The following SLAIN1 variants were observed in gnomAD, a reference collection of about 807,000 sequenced individuals.
The protein encoded by SLAIN1 is SLAIN family member 1.
SLAIN1 carries 17 observed loss-of-function variants against 55.4 expected under a neutral mutation model. The ratio of observed to expected loss-of-function variants is 0.31; its 90% CI spans 0.21 to 0.46. The LOEUF (loss-of-function observed/expected upper bound fraction) is 0.46. Among genes scored for constraint, SLAIN1 ranks in the 20% least tolerant of loss-of-function variants. The pLI is 1.00. For synonymous variants in SLAIN1, 348 were observed against 337.4 expected, an observed-to-expected ratio of 1.03 and a Z score of -0.35; for missense variants, 682 against 785.1, an observed-to-expected ratio of 0.87 and a Z score of 1.57.
intron 1 of SLAIN1, among the ~76,000 whole-genome samples, chr13:77,699,494 T>C (rs1009699397): frequency 6.6e-5 from 10 of 152,198 alleles, no homozygotes; most frequent in Admixed American, 2.0e-4. Context: ...GTCCTTTTTA[T>C]GTAGGACCCT....
At chr13:77,722,961 TG>T (rs1392654589) in intron 2 of SLAIN1, among the ~76,000 whole-genome samples, 2 of 152,212 alleles carry the variant, frequency 1.3e-5, no homozygotes, top group African/African-American at 4.8e-5. Context: ...TTGGCCAGGC[TG>T]GTCTTGAATG....
chr13:77,726,568 C>A (rs1196046770), intron 2 of SLAIN1, among the ~76,000 whole-genome samples: 1 of 152,028 alleles, frequency 6.6e-6, no homozygotes, highest in East Asian at 1.9e-4. Flanking sequence ...GCTGGGACTG[C>A]AGATGTATGC....
chr13:77,709,784 T>A (rs2091128361), intron 1 of SLAIN1, among the ~76,000 whole-genome samples: 1 of 152,068 alleles, frequency 6.6e-6, no homozygotes, highest in Non-Finnish European at 1.5e-5. Flanking sequence ...GTTGTTGTTG[T>A]TTTTGAGACA....
rs1874962369 is a variant in SLAIN1 at position 77,760,896 on chromosome 13, C to T, written c.1483C>T (p.Pro495Ser). 1 of 1,614,016 alleles carries T rather than the reference C, an allele frequency of 6.2e-7. No individual in the cohort carries two copies. The highest frequency in any genetic ancestry group is 1.3e-5 in the African/African-American group (1 of 74,920). The change falls in exon 6 of 7, where the codon CCT becomes TCT. Residue 495 changes from proline (P) to serine (S), a missense_variant. Pro to Ser is a moderately conservative substitution (Grantham distance 74). This residue lies in a region of SLAIN1 where 244 missense variants were observed against 295.2 expected (regional missense o/e 0.83). Transcript: ENST00000418532. Reference protein sequence around the residue: ...VGHFPVSIRQPLKATAYVSPT... With the variant: ...VGHFPVSIRQSLKATAYVSPT... ...GCATTTCCCAGTGTCTATCCGACAGCCTCTTAAAGCCACAGCCTATGTGAG... is the reference window on the plus strand; with the variant it reads ...GCATTTCCCAGTGTCTATCCGACAGTCTCTTAAAGCCACAGCCTATGTGAG...
rs902081049 is a variant in SLAIN1 at position 77,698,823 on chromosome 13, G to A, written c.626+284G>A. On this transcript the variant is annotated intron_variant, in intron 1 of 6. Transcript: ENST00000418532. This position sits in a 1 kb window ranked among gnomAD's most constrained non-coding sequence, Gnocchi z 4.1. ...GGTTCTGCTATTTGCTGATTGTTGG[G>A]TCCCAAGCTCCTCGTTAGCATTAAG... 1.0e-4 allele frequency: 148 copies of A among 1,452,764 alleles called. No individual in the cohort carries two copies. Among genetic ancestry groups the A allele is most frequent in the Middle Eastern group, 4.9e-4 (2 of 4,044 alleles). 90.0% of individuals were successfully genotyped at this position (1,452,764 alleles called of 1,614,324 possible). A position where few individuals can be genotyped will look rare whatever the true frequency, so the allele number is the denominator to read the frequency against.
At chr13:77,714,574 C>T (rs2091187326) in intron 1 of SLAIN1, among the ~76,000 whole-genome samples, 2 of 152,164 alleles carry the variant, frequency 1.3e-5, no homozygotes, top group Non-Finnish European at 2.9e-5. Context: ...GTTTGTCCCA[C>T]TGCACTCCAG....
At chr13:77,719,796 A>T in intron 2 of SLAIN1, 125 bp downstream of exon 2, 1 of 1,014,152 alleles carries the variant, frequency 9.9e-7, no homozygotes, top group African/African-American at 1.6e-5. Flanking sequence ...TGTTGCATGC[A>T]ATTTGCTTCA....
rs373484240 is a variant in SLAIN1 at position 77,750,942 on chromosome 13, T to C, written c.1259-2261T>C. Among the ~76,000 whole-genome samples, 10 of 152,300 alleles carry C rather than the reference T, an allele frequency of 6.6e-5. No homozygotes were observed. In the East Asian group the frequency reaches 1.4e-3, roughly 21 times the overall value. On this transcript the variant is annotated intron_variant, in intron 4 of 6. Coordinates refer to ENST00000418532, the MANE Select transcript of SLAIN1 (RefSeq NM_001242868.2). Reference sequence around the variant, plus strand: ...TATACATATTATCTAAGTATACTTATTGTGCTTGTTTAATCTTCTGCCTTT... The same window carrying C: ...TATACATATTATCTAAGTATACTTACTGTGCTTGTTTAATCTTCTGCCTTT...
At position 77,698,448 on chromosome 13, in the gene SLAIN1, C is replaced by G. The variant is rs2090996394; in HGVS notation, c.535C>G (p.Pro179Ala). The G allele has an allele frequency of 7.0e-7, 1 of 1,438,394 alleles. No individual in the cohort carries two copies. Among genetic ancestry groups the G allele is most frequent in the Non-Finnish European group, 9.1e-7 (1 of 1,100,970 alleles). 89.1% of individuals were successfully genotyped at this position (1,438,394 alleles called of 1,614,324 possible). A position where few individuals can be genotyped will look rare whatever the true frequency, so the allele number is the denominator to read the frequency against. Residue 179 changes from proline to alanine, a missense_variant, in exon 1 of 7, where the codon CCG becomes GCG. By Grantham distance (27) the Pro-to-Ala change is conservative. Transcript: ENST00000418532. The surrounding 1 kb of genome is among the most constrained non-coding windows in gnomAD (Gnocchi z 4.1). ...GACGCCGCCAGGGGCAGCTGCAGCG[C>G]CGCCCTCGCCGCCCCCCACGCTGCT... ...AGTPPGAAAAPPSPPPTLLDE... is the reference protein window; with the variant it reads ...AGTPPGAAAAAPSPPPTLLDE...
chr13:77,741,646 A>ATTT (rs11330491), intron 2 of SLAIN1: 6 of 141,490 alleles, frequency 4.2e-5, no homozygotes, highest in South Asian at 2.3e-4. Context: ...AGTAAAAGGA[A>ATTT]TTTTTTTTTT....
chr13:77,721,119 G>C (rs773645626), intron 2 of SLAIN1, among the ~76,000 whole-genome samples: 2 of 152,142 alleles, frequency 1.3e-5, no homozygotes, highest in East Asian at 1.9e-4. Flanking sequence ...GAGGCACCTG[G>C]TGGGAGGTGA....
At chr13:77,739,144 A>G (rs1364269632) in intron 2 of SLAIN1, among the ~76,000 whole-genome samples, 1 of 152,126 alleles carries the variant, frequency 6.6e-6, no homozygotes, top group Non-Finnish European at 1.5e-5. Context: ...TCAGCAACTT[A>G]GTAGTTACTA....
At position 77,746,569 on chromosome 13, in the gene SLAIN1, T is replaced by G; in HGVS notation, c.972T>G (p.Ser324Arg). The G allele has an allele frequency of 6.2e-7, 1 of 1,613,294 alleles. No individual in the cohort carries two copies. Among genetic ancestry groups the G allele is most frequent in the Non-Finnish European group, 8.5e-7 (1 of 1,179,490 alleles). Residue 324 changes from serine to arginine, a missense_variant, in exon 4 of 7, where the codon AGT (serine) becomes AGG (arginine). This residue lies in a region of SLAIN1 where 37 missense variants were observed against 72.6 expected (regional missense o/e 0.51). Coordinates refer to ENST00000418532, the MANE Select transcript of SLAIN1 (RefSeq NM_001242868.2). ...CATCTGTATCAAGACATAGTTCCAG[T>G]GTGTCATTGAGTTCAGGAAAAAAAG... Reference protein sequence around the residue: ...TSASVSRHSSSVSLSSGKKGT... With the variant: ...TSASVSRHSSRVSLSSGKKGT...
chr13:77,716,529 T>C (rs2091209585), intron 1 of SLAIN1, among the ~76,000 whole-genome samples: 1 of 152,194 alleles, frequency 6.6e-6, no homozygotes, highest in Non-Finnish European at 1.5e-5. Flanking sequence ...TCTCCAGTTA[T>C]GTCCTCTTTA....
intron 5 of SLAIN1, among the ~76,000 whole-genome samples, chr13:77,759,541 A>G (rs1051345789): frequency 3.3e-5 from 5 of 152,284 alleles, no homozygotes; most frequent in South Asian, 2.1e-4. Flanking sequence ...GAATGCTTTC[A>G]ACTTTTCCTC....
Position 77,763,235 on chromosome 13 carries a change from C to A in SLAIN1, c.*15C>A, listed in dbSNP as rs1461520049. 1 of 1,605,654 alleles carries A rather than the reference C, an allele frequency of 6.2e-7. No homozygotes were observed. Among genetic ancestry groups the A allele is most frequent in the African/African-American group, 1.3e-5 (1 of 74,836 alleles). On this transcript the variant is annotated 3_prime_UTR_variant, in exon 7 of 7. Transcript: ENST00000418532. The stretch of plus-strand genomic sequence containing the variant: ...GTTGCTACTAATGCAGTTTTATGTA[C>A]CCTTGAAAAATGGGAAAGAAGTAAA...
chr13:77,722,940 G>T (rs1169955155), intron 2 of SLAIN1, among the ~76,000 whole-genome samples: 1 of 152,078 alleles, frequency 6.6e-6, no homozygotes, highest in East Asian at 1.9e-4. Context: ...TAGAGATGTG[G>T]TTTCACCATG....
At chr13:77,706,054 C>G (rs1439644448) in intron 1 of SLAIN1, among the ~76,000 whole-genome samples, 3 of 152,092 alleles carry the variant, frequency 2.0e-5, no homozygotes, top group Non-Finnish European at 2.9e-5. Context: ...AGGCTTATTA[C>G]AGGAAGCAGT....
At chr13:77,729,479 A>G (rs1224374498) in intron 2 of SLAIN1, among the ~76,000 whole-genome samples, 2 of 151,796 alleles carry the variant, frequency 1.3e-5, no homozygotes, top group Non-Finnish European at 2.9e-5. Flanking sequence ...GGTTGATTAA[A>G]TTTGACTCTA....
Sources: allele counts gnomAD v4.1 joint callset (sites outside exome capture counted in the v4.1 genomes callset), GRCh38; gene constraint gnomAD v4.1.1; regional missense constraint gnomAD v4.1.1; non-coding constraint Gnocchi (gnomAD v3.1); transcripts MANE v1.5; gene names NCBI Gene and HGNC (gene_info 2026-07-23, HGNC 2026-07-21).